GRM8: variants seen among roughly 807,000 people sequenced by gnomAD.
The protein encoded by GRM8 is glutamate metabotropic receptor 8, also known as metabotropic glutamate receptor 8.
A neutral mutation model predicts 87.2 loss-of-function variants in GRM8; 47 were observed. That is an observed-to-expected ratio of 0.54 (90% CI 0.43 to 0.69). The LOEUF (loss-of-function observed/expected upper bound fraction) is 0.69. Among genes scored for constraint, GRM8 ranks in the 30% least tolerant of loss-of-function variants. The probability of loss-of-function intolerance (pLI) is 0.00; values close to 1 mark genes in which losing one functional copy is unlikely to be tolerated. For missense variants in GRM8, 1,019 were observed against 1,139.2 expected (o/e 0.89, Z 1.52); for synonymous variants, 396 against 404.5 (o/e 0.98, Z 0.25).
At chr7:126,493,877 G>T (rs1361399504) in intron 9 of GRM8, among the ~76,000 whole-genome samples, 1 of 152,004 alleles carries the variant, frequency 6.6e-6, no homozygotes, top group Non-Finnish European at 1.5e-5. Flanking sequence ...AAGGCACTAG[G>T]AATGCGTAAC....
intron 6 of GRM8, among the ~76,000 whole-genome samples, chr7:126,796,176 AAT>A (rs1333325902): frequency 1.3e-5 from 2 of 152,130 alleles, no homozygotes; most frequent in Non-Finnish European, 2.9e-5. Context: ...CAAATTAATT[AAT>A]ATGAGAAAAG....
At chr7:126,538,083 C>T (rs1816055371) in intron 8 of GRM8, among the ~76,000 whole-genome samples, 1 of 152,158 alleles carries the variant, frequency 6.6e-6, no homozygotes, top group Non-Finnish European at 1.5e-5. Context: ...CCATTCTTAT[C>T]TTGACAATGT....
chr7:126,805,233 A>G (rs1792548917), intron 6 of GRM8, among the ~76,000 whole-genome samples: 1 of 152,104 alleles, frequency 6.6e-6, no homozygotes, highest in Admixed American at 6.6e-5. Flanking sequence ...GACCAATCCA[A>G]AAAAGCCAAA....
chr7:126,478,895 C>T (rs1426416521), intron 9 of GRM8, among the ~76,000 whole-genome samples: 1 of 151,940 alleles, frequency 6.6e-6, no homozygotes, highest in Non-Finnish European at 1.5e-5. Context: ...CAATACTGCC[C>T]TAGATCAAAG....
chr7:127,189,643 A>G (rs1399077348), intron 2 of GRM8, among the ~76,000 whole-genome samples: 1 of 152,232 alleles, frequency 6.6e-6, no homozygotes, highest in Non-Finnish European at 1.5e-5. Flanking sequence ...AGGAAAAAAT[A>G]GAAACAAAGG....
At position 126,654,928 on chromosome 7, in the gene GRM8, C is replaced by T. The variant is rs74428725; in HGVS notation, c.1358-45430G>A. On this transcript the variant is annotated intron_variant, in intron 7 of 10. Coordinates refer to ENST00000339582, the MANE Select transcript of GRM8 (RefSeq NM_000845.3). ...AATATTCAAGAAAAAAATTACTATGCCATTGAAAAAATTCAGGAAGAGCCA... is the reference window on the plus strand; with the variant it reads ...AATATTCAAGAAAAAAATTACTATGTCATTGAAAAAATTCAGGAAGAGCCA... Among the ~76,000 whole-genome samples, 876 of 152,092 alleles carry T rather than the reference C, an allele frequency of 5.8e-3. 5 individuals are homozygous for T. Among genetic ancestry groups the T allele is most frequent in the African/African-American group, 0.02 (841 of 41,484 alleles).
intron 9 of GRM8, among the ~76,000 whole-genome samples, chr7:126,523,795 C>A (rs752938627): frequency 1.1e-4 from 16 of 151,996 alleles, no homozygotes; most frequent in Non-Finnish European, 2.1e-4. Context: ...CCATGCCCGG[C>A]CAGACCCCTC....
intron 6 of GRM8, among the ~76,000 whole-genome samples, chr7:126,808,310 G>A (rs1169663577): frequency 3.3e-5 from 5 of 152,062 alleles, no homozygotes; most frequent in Non-Finnish European, 7.4e-5. Context: ...ATCACCTACC[G>A]AAAAGGATAC....
intron 3 of GRM8, among the ~76,000 whole-genome samples, chr7:127,017,965 TTTA>T (rs1013205213): frequency 5.3e-5 from 8 of 152,080 alleles, no homozygotes; most frequent in African/African-American, 1.9e-4. Context: ...TATTCAAATA[TTTA>T]TTGAGAATCC....
At chr7:126,730,964 A>G (rs1813520276) in intron 7 of GRM8, among the ~76,000 whole-genome samples, 2 of 152,264 alleles carry the variant, frequency 1.3e-5, no homozygotes, top group South Asian at 4.1e-4. Context: ...TTTGGTAAAC[A>G]TTACAGCATT....
chr7:126,528,333 C>G (rs1178676447), intron 9 of GRM8, among the ~76,000 whole-genome samples: 1 of 152,138 alleles, frequency 6.6e-6, no homozygotes, highest in Non-Finnish European at 1.5e-5. Flanking sequence ...ATCACATCCT[C>G]CTACGCAATT....
intron 3 of GRM8, among the ~76,000 whole-genome samples, chr7:127,030,801 C>CT (rs1358876229): frequency 6.6e-6 from 1 of 152,072 alleles, no homozygotes; most frequent in African/African-American, 2.4e-5. Flanking sequence ...AGGAAAACTA[C>CT]TTTTTTTCCT....
At chr7:127,065,366 A>G (rs1222837339) in intron 3 of GRM8, among the ~76,000 whole-genome samples, 1 of 152,166 alleles carries the variant, frequency 6.6e-6, no homozygotes, top group African/African-American at 2.4e-5. Flanking sequence ...AGGCTACTTG[A>G]GGTGAGAGAG....
At chr7:126,686,037 A>G (rs2151350309) in intron 7 of GRM8, among the ~76,000 whole-genome samples, 1 of 151,620 alleles carries the variant, frequency 6.6e-6, no homozygotes, top group Middle Eastern at 3.4e-3. Context: ...GATGATGGGG[A>G]GATGACCAGA....
chr7:126,739,410 A>G lies in GRM8; in HGVS notation c.1357+30455T>C, dbSNP rs575547062. Reference sequence around the variant, plus strand: ...AAGTTACTCAAAATTGTGTTTGCACACACACACACACACACACACACCACA... The same window carrying G: ...AAGTTACTCAAAATTGTGTTTGCACGCACACACACACACACACACACCACA... On this transcript the variant is annotated intron_variant, in intron 7 of 10. Transcript: ENST00000339582. 3.0e-3 allele frequency among the ~76,000 whole-genome samples: 175 copies of G among 59,260 alleles called. 6 individuals carry two copies. In the East Asian group the frequency reaches 0.035, roughly 12 times the overall value. 38.9% of individuals were successfully genotyped at this position (59,260 alleles called of 152,430 possible).
chr7:126,595,408 ATTTTATTTTATTTTATTT>A (rs1179225614), intron 8 of GRM8, among the ~76,000 whole-genome samples: 29 of 118,656 alleles, frequency 2.4e-4, no homozygotes, highest in Middle Eastern at 4.5e-3. Context: ...ATTTTATTTT[ATTTTATTTTATTTTATTT>A]TATTATTTTA....
chr7:126,586,545 A>C (rs1204977983), intron 8 of GRM8, among the ~76,000 whole-genome samples: 3 of 152,200 alleles, frequency 2.0e-5, no homozygotes, highest in Non-Finnish European at 2.9e-5. Context: ...CAACCATCTG[A>C]TCTTTGACAA....
rs201895902 is a variant in GRM8 at position 126,843,322 on chromosome 7, A to C, written c.1156+59220T>G. 7.9e-5 allele frequency among the ~76,000 whole-genome samples: 12 copies of C among 152,312 alleles called. No individual in the cohort carries two copies. In the East Asian group the frequency reaches 1.7e-3, roughly 22 times the overall value. Reference sequence around the variant, plus strand: ...AGGGGACTATAAAGTAGAAAAAAAAACTCATTATCACATATGGCTTGTGAG... The same window carrying C: ...AGGGGACTATAAAGTAGAAAAAAAACCTCATTATCACATATGGCTTGTGAG... On this transcript the variant is annotated intron_variant, in intron 6 of 10. Coordinates refer to ENST00000339582, the MANE Select transcript of GRM8 (RefSeq NM_000845.3).
intron 3 of GRM8, among the ~76,000 whole-genome samples, chr7:127,072,482 C>A (rs1259946000): frequency 6.6e-6 from 1 of 152,102 alleles, no homozygotes; most frequent in Non-Finnish European, 1.5e-5. Context: ...TTTTCCCAAC[C>A]ACTCCAGATT....
Sources: gnomAD v4.1 joint callset for allele counts (sites outside exome capture counted in the v4.1 genomes callset) on GRCh38, gnomAD v4.1.1 for gene constraint, MANE v1.5 for transcripts, NCBI Gene and HGNC (gene_info 2026-07-23, HGNC 2026-07-21) for gene names.